The following ASIC2 variants were observed in gnomAD, a reference collection of about 807,000 sequenced individuals.
ASIC2 encodes acid sensing ion channel subunit 2.
ASIC2 carries 25 observed loss-of-function variants against 57.3 expected under a neutral mutation model. That is an observed-to-expected ratio of 0.44 (90% CI 0.32 to 0.61). ASIC2 has a LOEUF of 0.61. Among genes scored for constraint, ASIC2 ranks in the 20% least tolerant of loss-of-function variants. The pLI, the probability that ASIC2 is intolerant of heterozygous loss-of-function variation, is 0.06. For synonymous variants in ASIC2, 319 were observed against 307.5 expected, an observed-to-expected ratio of 1.04 and a Z score of -0.39; for missense variants, 641 against 738.1, an observed-to-expected ratio of 0.87 and a Z score of 1.52.
chr17:33,103,672 G>T (rs2092223611), intron 2 of ASIC2, among the ~76,000 whole-genome samples: 1 of 152,134 alleles, frequency 6.6e-6, no homozygotes, highest in Non-Finnish European at 1.5e-5. Context: ...TTTATCTTGA[G>T]CTTGTAGTCT....
chr17:34,076,343 G>A (rs1403333668), intron 1 of ASIC2, among the ~76,000 whole-genome samples: 3 of 152,070 alleles, frequency 2.0e-5, no homozygotes, highest in African/African-American at 7.2e-5. Flanking sequence ...CTGGCTCCAT[G>A]AGGCCTAGTG....
At position 33,951,418 on chromosome 17, in the gene ASIC2, T is replaced by C. The variant is rs1904558580; in HGVS notation, c.555+204560A>G. 3.3e-5 allele frequency among the ~76,000 whole-genome samples: 5 copies of C among 152,230 alleles called. No homozygotes were observed. In the South Asian group the frequency reaches 8.3e-4, roughly 25 times the overall value. ...CTATGGTGACCTGGAAGCTGTGCCT[T>C]CCTGTGCTGTATTACCATGGTCCCC... On this transcript the variant is annotated intron_variant, in intron 1 of 9. Coordinates refer to the ASIC2 transcript ENST00000359872.
chr17:33,956,149 GGAAA>G (rs1332332088), intron 1 of ASIC2, among the ~76,000 whole-genome samples: 1 of 152,154 alleles, frequency 6.6e-6, no homozygotes, highest in East Asian at 1.9e-4. Context: ...ACTGAATAAA[GGAAA>G]GTCTTAGTGT....
At chr17:33,617,260 C>T (rs1409103907) in intron 1 of ASIC2, among the ~76,000 whole-genome samples, 1 of 152,144 alleles carries the variant, frequency 6.6e-6, no homozygotes, top group African/African-American at 2.4e-5. Context: ...TGGAATCAAC[C>T]TAAATGCCCA....
In ASIC2 at chr17:33,023,504, GA is replaced by G. The variant is rs1312552916; in HGVS notation, c.1349+356del. Among the ~76,000 whole-genome samples, 336 of 147,078 alleles carry G rather than the reference GA, an allele frequency of 2.3e-3. 1 individual carries two copies. Among genetic ancestry groups the G allele is most frequent in the African/African-American group, 7.5e-3 (298 of 39,838 alleles). The stretch of plus-strand genomic sequence containing the variant: ...GGCTCCATCTCAAAAAAAAAAAAAA[GA>G]AAAAAAAATTCTCTGAAGCTTTCCC... On this transcript the variant is annotated intron_variant, in intron 6 of 9. Transcript: ENST00000225823.
chr17:33,576,738 A>G (rs1290169813), intron 1 of ASIC2, among the ~76,000 whole-genome samples: 2 of 151,398 alleles, frequency 1.3e-5, no homozygotes, highest in Non-Finnish European at 2.9e-5. Context: ...CTTACTCCCT[A>G]CCCATAAATG....
intron 1 of ASIC2, among the ~76,000 whole-genome samples, chr17:33,188,213 A>T (rs1352551183): frequency 6.6e-6 from 1 of 152,150 alleles, no homozygotes; most frequent in Non-Finnish European, 1.5e-5. Flanking sequence ...AGCAGATTAG[A>T]CACTGCAAAA....
intron 1 of ASIC2, among the ~76,000 whole-genome samples, chr17:33,588,046 A>G (rs765062005): frequency 6.6e-6 from 1 of 152,232 alleles, no homozygotes; most frequent in Admixed American, 6.5e-5. Flanking sequence ...TCCCAATTCT[A>G]TTCCCCACCA....
chr17:34,051,222 C>T (rs188836363), intron 1 of ASIC2, among the ~76,000 whole-genome samples: 4 of 152,284 alleles, frequency 2.6e-5, no homozygotes, highest in African/African-American at 9.6e-5. Context: ...AAACTGGTGA[C>T]GTGTGACTCC....
chr17:33,283,189 T>C (rs1905025907), intron 1 of ASIC2, among the ~76,000 whole-genome samples: 1 of 152,218 alleles, frequency 6.6e-6, no homozygotes, highest in South Asian at 2.1e-4. Flanking sequence ...GGCACACTTA[T>C]TTGCTTCACT....
intron 1 of ASIC2, among the ~76,000 whole-genome samples, chr17:33,966,413 T>G (rs1905076104): frequency 6.6e-6 from 1 of 152,188 alleles, no homozygotes; most frequent in Non-Finnish European, 1.5e-5. Context: ...GAGAATCCTA[T>G]GAGGATTAAA....
At chr17:33,784,696 T>C (rs940215923) in intron 1 of ASIC2, among the ~76,000 whole-genome samples, 2 of 152,214 alleles carry the variant, frequency 1.3e-5, no homozygotes, top group Admixed American at 1.3e-4. Flanking sequence ...CAAAATCTGG[T>C]TTGTATTTTA....
At chr17:34,126,379 G>C (rs1911780873) in intron 1 of ASIC2, among the ~76,000 whole-genome samples, 1 of 152,226 alleles carries the variant, frequency 6.6e-6, no homozygotes, top group Non-Finnish European at 1.5e-5. Context: ...GGGTGGTGGA[G>C]GAAAGTACGG....
intron 1 of ASIC2, among the ~76,000 whole-genome samples, chr17:33,137,326 G>A (rs1352314988): frequency 6.6e-6 from 1 of 152,208 alleles, no homozygotes; most frequent in Non-Finnish European, 1.5e-5. Flanking sequence ...AATGTGCATT[G>A]TGAATCTCCA....
chr17:33,974,140 C>A (rs906883389), intron 1 of ASIC2, among the ~76,000 whole-genome samples: 1 of 151,878 alleles, frequency 6.6e-6, no homozygotes, highest in Non-Finnish European at 1.5e-5. Flanking sequence ...TCTCCTCAAA[C>A]CTCCTGTGCT....
At chr17:33,060,721 G>A (rs1255542322) in intron 3 of ASIC2, among the ~76,000 whole-genome samples, 4 of 152,098 alleles carry the variant, frequency 2.6e-5, no homozygotes, top group Non-Finnish European at 5.9e-5. Context: ...GCTTGATGGG[G>A]GTGCCATTGA....
chr17:34,067,628 G>T (rs1192746067), intron 1 of ASIC2, among the ~76,000 whole-genome samples: 1 of 152,146 alleles, frequency 6.6e-6, no homozygotes, highest in Non-Finnish European at 1.5e-5. Context: ...TGCTGTTTAT[G>T]ATTTTTCAAA....
intron 1 of ASIC2, among the ~76,000 whole-genome samples, chr17:34,123,554 C>T (rs745888031): frequency 1.5e-4 from 23 of 152,194 alleles, no homozygotes; most frequent in Non-Finnish European, 2.5e-4. Context: ...GTCACCATGA[C>T]AGTGACAATG....
intron 1 of ASIC2, among the ~76,000 whole-genome samples, chr17:33,300,970 C>T (rs1378097703): frequency 6.6e-6 from 1 of 152,102 alleles, no homozygotes; most frequent in Admixed American, 6.5e-5. Context: ...CTGTAAGGCA[C>T]TGTGCTCAGT....
Sources: allele counts gnomAD v4.1 joint callset (sites outside exome capture counted in the v4.1 genomes callset), GRCh38; gene constraint gnomAD v4.1.1; transcripts MANE v1.5; gene names NCBI Gene and HGNC (gene_info 2026-07-23, HGNC 2026-07-21).